Variants in TAFA1 observed in about 807,000 individuals in gnomAD.
TAFA1 encodes chemokine-like protein TAFA-1.
TAFA1 carries 4 observed loss-of-function variants against 18.5 expected under a neutral mutation model. That is an observed-to-expected ratio of 0.22 (90% CI 0.11 to 0.49). TAFA1 has a LOEUF of 0.49. Among genes scored for constraint, TAFA1 ranks in the 20% least tolerant of loss-of-function variants. TAFA1 has a pLI of 0.98. For synonymous variants in TAFA1, 56 were observed against 55.2 expected (o/e 1.01, Z -0.06); for missense variants, 147 against 169.0 (o/e 0.87, Z 0.72).
chr3:68,511,029 A>C (rs1202397149), intron 3 of TAFA1, among the ~76,000 whole-genome samples: 1 of 152,160 alleles, frequency 6.6e-6, no homozygotes, highest in Non-Finnish European at 1.5e-5. Context: ...TCAGATATCT[A>C]TTGTATTGAT....
At chr3:68,239,427 A>C (rs1407282107) in intron 2 of TAFA1, among the ~76,000 whole-genome samples, 2 of 152,168 alleles carry the variant, frequency 1.3e-5, no homozygotes, top group African/African-American at 4.8e-5. Flanking sequence ...GGTAAAACAG[A>C]TACAATTCTT....
At chr3:68,331,574 T>C (rs971218056) in intron 2 of TAFA1, among the ~76,000 whole-genome samples, 7 of 152,230 alleles carry the variant, frequency 4.6e-5, no homozygotes, top group Non-Finnish European at 8.8e-5. Context: ...TGTAAAGATT[T>C]GAAGCCAAAA....
rs555134374 is a variant in TAFA1 at position 68,300,625 on chromosome 3, G to T, written c.119-116655G>T. Among the ~76,000 whole-genome samples, 5 of 152,154 alleles carry T rather than the reference G, an allele frequency of 3.3e-5. No individual in the cohort carries two copies. The South Asian group carries it at 1.0e-3, about 32-fold the overall frequency. The stretch of plus-strand genomic sequence containing the variant: ...AGGACATGAGATTTGGGAGGGGCCA[G>T]GGCAGAATTCTATGGTTTGGCTGCC... On this transcript the variant is annotated intron_variant, in intron 2 of 4. Coordinates refer to ENST00000478136, the MANE Select transcript of TAFA1 (RefSeq NM_213609.4).
intron 2 of TAFA1, among the ~76,000 whole-genome samples, chr3:68,354,689 C>G (rs537744203): frequency 1.2e-4 from 18 of 151,978 alleles, no homozygotes; most frequent in Non-Finnish European, 2.4e-4. Context: ...GTACTGGAGG[C>G]TAGAAAGTCC....
chr3:68,439,878 T>C (rs1396255594), intron 3 of TAFA1, among the ~76,000 whole-genome samples: 1 of 152,100 alleles, frequency 6.6e-6, no homozygotes, highest in East Asian at 1.9e-4. Flanking sequence ...CCTGAGATCA[T>C]ACATAATCTT....
chr3:68,065,307 A>C (rs922226192), intron 2 of TAFA1, among the ~76,000 whole-genome samples: 1 of 152,156 alleles, frequency 6.6e-6, no homozygotes, highest in African/African-American at 2.4e-5. Context: ...GGATGACTGC[A>C]GAATACATTT....
chr3:68,171,309 C>T (rs1320397260), intron 2 of TAFA1, among the ~76,000 whole-genome samples: 1 of 152,066 alleles, frequency 6.6e-6, no homozygotes, highest in Non-Finnish European at 1.5e-5. Context: ...AGCTGGAAGT[C>T]AAGAAAATAG....
At chr3:68,379,742 G>T (rs978747844) in intron 2 of TAFA1, among the ~76,000 whole-genome samples, 1 of 147,194 alleles carries the variant, frequency 6.8e-6, no homozygotes, top group Admixed American at 6.8e-5. Flanking sequence ...TTTTGAGTCT[G>T]TCTCCAAAGT....
chr3:68,295,209 T>G (rs1330753203), intron 2 of TAFA1, among the ~76,000 whole-genome samples: 1 of 152,164 alleles, frequency 6.6e-6, no homozygotes, highest in African/African-American at 2.4e-5. Context: ...TGGAGAGAGT[T>G]AATTATTTAG....
At position 68,544,555 on chromosome 3, in the gene TAFA1, T is replaced by G. The variant is rs1455071568; in HGVS notation, c.*52T>G. ...AACCAACCCTCTGGAAAATACATTT[T>G]GAGAATCTCAAACATCTCACATATA... On this transcript the variant is annotated 3_prime_UTR_variant, in exon 5 of 5. Transcript: ENST00000478136. The G allele has an allele frequency of 1.3e-6, 2 of 1,585,118 alleles. No individual in the cohort carries two copies. Among genetic ancestry groups the G allele is most frequent in the Non-Finnish European group, 1.7e-6 (2 of 1,155,242 alleles).
chr3:68,441,448 T>G (rs1426623512), intron 3 of TAFA1, among the ~76,000 whole-genome samples: 1 of 152,134 alleles, frequency 6.6e-6, no homozygotes, highest in Non-Finnish European at 1.5e-5. Context: ...TTTTGAGAGA[T>G]AGCTCTTGGC....
At chr3:68,308,137 A>G (rs2068453086) in intron 2 of TAFA1, among the ~76,000 whole-genome samples, 3 of 152,146 alleles carry the variant, frequency 2.0e-5, no homozygotes, top group African/African-American at 4.8e-5. Flanking sequence ...CTAAAAACCT[A>G]TGATTTATAA....
chr3:68,248,289 T>G (rs2067123259), intron 2 of TAFA1, among the ~76,000 whole-genome samples: 2 of 152,198 alleles, frequency 1.3e-5, no homozygotes, highest in Non-Finnish European at 2.9e-5. Context: ...TATTTTATAA[T>G]GCAAGAAATC....
intron 2 of TAFA1, among the ~76,000 whole-genome samples, chr3:68,266,417 C>T (rs572931908): frequency 6.6e-6 from 1 of 152,060 alleles, no homozygotes; most frequent in Non-Finnish European, 1.5e-5. Flanking sequence ...ATAAACAGCC[C>T]GGTCCTAAGT....
rs370478384 is a variant in TAFA1 at position 68,498,599 on chromosome 3, T to C, written c.260-40157T>C. The stretch of plus-strand genomic sequence containing the variant: ...CATGGTAATTACAGAGCCCAAGATG[T>C]CACTGAAAATGCAAGACAGCTTGAG... On this transcript the variant is annotated intron_variant, in intron 3 of 4. Coordinates refer to ENST00000478136, the MANE Select transcript of TAFA1 (RefSeq NM_213609.4). 1.2e-4 allele frequency among the ~76,000 whole-genome samples: 19 copies of C among 152,148 alleles called. No individual in the cohort carries two copies. The South Asian group carries it at 1.7e-3, about 13-fold the overall frequency.
chr3:68,319,810 T>C (rs2068669008), intron 2 of TAFA1, among the ~76,000 whole-genome samples: 1 of 152,208 alleles, frequency 6.6e-6, no homozygotes, highest in African/African-American at 2.4e-5. Context: ...TCCAGTTTAG[T>C]ATTCCAAAGA....
intron 2 of TAFA1, among the ~76,000 whole-genome samples, chr3:68,378,719 G>A (rs903013036): frequency 6.6e-6 from 1 of 152,140 alleles, no homozygotes; most frequent in African/African-American, 2.4e-5. Flanking sequence ...CACGTGTTGA[G>A]GGAGGGAGGT....
chr3:68,288,677 T>G lies in TAFA1; in HGVS notation c.119-128603T>G, dbSNP rs891814671. 2.6e-5 allele frequency among the ~76,000 whole-genome samples: 4 copies of G among 152,350 alleles called. No individual in the cohort carries two copies. The East Asian group carries it at 7.7e-4, about 29-fold the overall frequency. The stretch of plus-strand genomic sequence containing the variant: ...TTAAAATATTAATACCCCTTGTTCT[T>G]TGATTCTTTGTTTATTCGTCTTATG... On this transcript the variant is annotated intron_variant, in intron 2 of 4. Coordinates refer to ENST00000478136, the MANE Select transcript of TAFA1 (RefSeq NM_213609.4).
intron 2 of TAFA1, among the ~76,000 whole-genome samples, chr3:68,366,528 C>T (rs1011107954): frequency 3.3e-5 from 5 of 152,110 alleles, no homozygotes; most frequent in African/African-American, 9.7e-5. Context: ...AAAGGGACTT[C>T]GCTGGGTGGA....
Sources: gnomAD v4.1 joint callset for allele counts (sites outside exome capture counted in the v4.1 genomes callset) on GRCh38, gnomAD v4.1.1 for gene constraint, MANE v1.5 for transcripts, NCBI Gene and HGNC (gene_info 2026-07-23, HGNC 2026-07-21) for gene names.